The following WSB1 variants were observed in gnomAD, a reference collection of about 807,000 sequenced individuals.
WSB1 encodes the protein WD repeat and SOCS box containing 1.
A neutral mutation model predicts 50.2 loss-of-function variants in WSB1; 23 were observed. That is an observed-to-expected ratio of 0.46 (90% CI 0.33 to 0.65). The LOEUF (loss-of-function observed/expected upper bound fraction) is 0.65, where lower values mean the gene tolerates loss of function less well. Ranked by LOEUF, WSB1 falls within the 30% of genes least tolerant of loss-of-function variation. The pLI, the probability that WSB1 is intolerant of heterozygous loss-of-function variation, is 0.02. For missense variants in WSB1, 492 were observed against 522.3 expected (o/e 0.94, Z 0.56); for synonymous variants, 179 against 172.0 (o/e 1.04, Z -0.32).
intron 4 of WSB1, among the ~76,000 whole-genome samples, chr17:27,305,294 T>A (rs2017401788): frequency 6.6e-6 from 1 of 152,260 alleles, no homozygotes. Context: ...TTGAAGTAAC[T>A]TAGTATCTAA....
intron 1 of WSB1, 116 bp from the exon 2 acceptor site, chr17:27,301,672 A>G (rs987960613): frequency 1.9e-6 from 2 of 1,071,566 alleles, no homozygotes; most frequent in African/African-American, 1.6e-5. Flanking sequence ...TGCAGAACTC[A>G]CTATACCCTG....
chr17:27,296,451 G>A (rs1415576704), intron 1 of WSB1, among the ~76,000 whole-genome samples: 1 of 151,962 alleles, frequency 6.6e-6, no homozygotes, highest in Non-Finnish European at 1.5e-5. Flanking sequence ...CTATGAATAA[G>A]GATTTACTTT....
intron 1 of WSB1, among the ~76,000 whole-genome samples, chr17:27,297,883 A>C (rs1290117042): frequency 6.6e-6 from 1 of 151,914 alleles, no homozygotes; most frequent in Non-Finnish European, 1.5e-5. Context: ...CGAGGTGGGC[A>C]GATCACCTGA....
rs1412418410 is a variant in WSB1, at chr17:27,315,475, A to G, written c.*3106A>G. 6.6e-6 allele frequency: 1 copy of G among 152,230 alleles called. No homozygotes were observed. The allele number at this position is 152,230 out of a possible 1,614,324, so 9.4% of individuals were successfully genotyped here. A position where few individuals can be genotyped will look rare whatever the true frequency, so the allele number is the denominator to read the frequency against. On this transcript the variant is annotated 3_prime_UTR_variant, in exon 9 of 9. Transcript: ENST00000262394. ...TGTGACTGTGATGCAGTTGGATTCAACTGGTTTACACTGCTCTTGGGTCGG... is the reference window on the plus strand; with the variant it reads ...TGTGACTGTGATGCAGTTGGATTCAGCTGGTTTACACTGCTCTTGGGTCGG...
intron 4 of WSB1, 49 bp downstream of exon 4, chr17:27,304,960 C>A (rs1474938242): frequency 6.2e-7 from 1 of 1,606,470 alleles, no homozygotes; most frequent in African/African-American, 1.3e-5. Flanking sequence ...CTTGATACTA[C>A]TATGGAGAGG....
chr17:27,294,749 G>A (rs2016879999), intron 1 of WSB1, among the ~76,000 whole-genome samples: 1 of 152,304 alleles, frequency 6.6e-6, no homozygotes, highest in South Asian at 2.1e-4. Flanking sequence ...CATGACTGTC[G>A]AGTGGACAGG....
chr17:27,302,517 TG>T (rs2017278991), intron 2 of WSB1: 1 of 152,224 alleles, frequency 6.6e-6, no homozygotes, highest in Non-Finnish European at 1.5e-5. Flanking sequence ...TATATAGTGT[TG>T]TGCCAGAGTA....
intron 4 of WSB1, among the ~76,000 whole-genome samples, chr17:27,305,530 T>C (rs1276972001): frequency 6.6e-6 from 1 of 152,230 alleles, no homozygotes; most frequent in Non-Finnish European, 1.5e-5. Flanking sequence ...CCTTTCTCAG[T>C]CCCTAATGAA....
chr17:27,294,358 T>C lies in WSB1; in HGVS notation c.-38T>C. The C allele has an allele frequency of 3.1e-6, 5 of 1,611,984 alleles. No homozygotes were observed. In the South Asian group the frequency reaches 5.5e-5, roughly 18 times the overall value. Reference sequence around the variant, plus strand: ...CGCCACTCTCTTCTCTGTTGTTGGGTCCGCATCGTATTCCCGGAATCAGAC... The same window carrying C: ...CGCCACTCTCTTCTCTGTTGTTGGGCCCGCATCGTATTCCCGGAATCAGAC... On this transcript the variant is annotated 5_prime_UTR_variant, in exon 1 of 9. Transcript: ENST00000262394.
At position 27,294,425 on chromosome 17, in the gene WSB1, G is replaced by A; in HGVS notation, c.30G>A (p.Glu10=). The stretch of plus-strand genomic sequence containing the variant: ...CCAGCTTTCCCCCGAGGGTCAACGA[G>A]AAAGAGATCGGTGAGGATTGGGACC... The part of the protein sequence containing the change: MASFPPRVN[E]KEIVRLRTIG... Residue 10 remains glutamate (E), a synonymous_variant, in exon 1 of 9, where the codon GAG becomes GAA. Transcript: ENST00000262394. 6.2e-7 allele frequency: 1 copy of A among 1,613,788 alleles called. No individual in the cohort carries two copies. The highest frequency in any genetic ancestry group is 8.5e-7 in the Non-Finnish European group (1 of 1,179,804).
At position 27,313,604 on chromosome 17, in the gene WSB1, T is replaced by C. The variant is rs1354306090; in HGVS notation, c.*1235T>C. On this transcript the variant is annotated 3_prime_UTR_variant, in exon 9 of 9. Transcript: ENST00000262394. Reference sequence around the variant, plus strand: ...CAATTATATATTTTTGTTGAGTTTTTTAATTAAAGACTTGTAAAAAAAAAA... The same window carrying C: ...CAATTATATATTTTTGTTGAGTTTTCTAATTAAAGACTTGTAAAAAAAAAA... The C allele has an allele frequency of 6.6e-6, 1 of 150,514 alleles. No homozygotes were observed. Among genetic ancestry groups the C allele is most frequent in the Non-Finnish European group, 1.5e-5 (1 of 67,614 alleles). The allele number at this position is 150,514 out of a possible 1,614,324, so 9.3% of individuals were successfully genotyped here.
At chr17:27,298,126 GAAAAAAAAAA>G (rs35222722) in intron 1 of WSB1, among the ~76,000 whole-genome samples, 9 of 74,204 alleles carry the variant, frequency 1.2e-4, no homozygotes, top group Admixed American at 3.5e-4. Context: ...CTCCGTCTCA[GAAAAAAAAAA>G]AAAAAAAAAA....
chr17:27,296,612 A>AGATC (rs1156460397), intron 1 of WSB1, among the ~76,000 whole-genome samples: 1 of 152,230 alleles, frequency 6.6e-6, no homozygotes, highest in East Asian at 1.9e-4. Context: ...GCACTGCCAC[A>AGATC]GATCATCCCT....
intron 5 of WSB1, chr17:27,307,639 A>G (rs2017513685): frequency 8.7e-7 from 1 of 1,146,970 alleles, no homozygotes; most frequent in East Asian, 2.7e-5. Flanking sequence ...AAAGCAAGAT[A>G]CTCAGTTTAG....
rs948654009 is a variant in WSB1 at position 27,312,081 on chromosome 17, C to G, written c.1107-129C>G. On this transcript the variant is annotated intron_variant, in intron 8 of 8. Coordinates refer to ENST00000262394, the MANE Select transcript of WSB1 (RefSeq NM_015626.10). ...TGGAATACATCATTGGTTAGTTCTT[C>G]CTGGTTGGGTTTTAATGTGAAGTTT... The G allele has an allele frequency of 7.5e-6, 9 of 1,201,402 alleles. No individual in the cohort carries two copies. In the Admixed American group the frequency reaches 2.3e-4, roughly 31 times the overall value. 74.4% of individuals were successfully genotyped at this position (1,201,402 alleles called of 1,614,324 possible).
chr17:27,310,076 A>C lies in WSB1; in HGVS notation c.900A>C (p.Pro300=), dbSNP rs1375523532. ...ILMEFGHLFP[P]PTPIFAGGAN... Reference sequence around the variant, plus strand: ...TTGACCTCAGGCACCTGTTTCCCCCACCTACTCCAATATTTGCTGGAGGAG... The same window carrying C: ...TTGACCTCAGGCACCTGTTTCCCCCCCCTACTCCAATATTTGCTGGAGGAG... The change falls in exon 7 of 9, where the codon CCA becomes CCC. Residue 300 remains proline, a synonymous_variant. Coordinates refer to ENST00000262394, the MANE Select transcript of WSB1 (RefSeq NM_015626.10). The C allele has an allele frequency of 1.2e-6, 2 of 1,613,852 alleles. No individual in the cohort carries two copies. The highest frequency in any genetic ancestry group is 2.7e-5 in the African/African-American group (2 of 74,876).
intron 1 of WSB1, chr17:27,297,151 T>G (rs1469453096): frequency 6.6e-6 from 1 of 152,176 alleles, no homozygotes; most frequent in African/African-American, 2.4e-5. Context: ...TTAGTAATTG[T>G]TACCGCTCTT....
chr17:27,306,412 A>G (rs549819717), intron 4 of WSB1, among the ~76,000 whole-genome samples: 1 of 151,520 alleles, frequency 6.6e-6, no homozygotes, highest in African/African-American at 2.4e-5. Context: ...GATGGGTTTC[A>G]CCCTGTTGGC....
rs2017752793 is a variant in WSB1 at position 27,313,122 on chromosome 17, C to T, written c.*753C>T. 6.6e-6 allele frequency: 1 copy of T among 151,948 alleles called. No individual in the cohort carries two copies. The highest frequency in any genetic ancestry group is 2.1e-4 in the South Asian group (1 of 4,808). 9.4% of individuals were successfully genotyped at this position (151,948 alleles called of 1,614,324 possible). A position where few individuals can be genotyped will look rare whatever the true frequency, so the allele number is the denominator to read the frequency against. Reference sequence around the variant, plus strand: ...GTGTCAGACTGATCTGGAAGTGAAACACAGTTTATGTACAGGGAAAAGGAT... The same window carrying T: ...GTGTCAGACTGATCTGGAAGTGAAATACAGTTTATGTACAGGGAAAAGGAT... On this transcript the variant is annotated 3_prime_UTR_variant, in exon 9 of 9. Transcript: ENST00000262394.
Sources: gnomAD v4.1 joint callset for allele counts (sites outside exome capture counted in the v4.1 genomes callset) on GRCh38, gnomAD v4.1.1 for gene constraint, MANE v1.5 for transcripts, NCBI Gene and HGNC (gene_info 2026-07-23, HGNC 2026-07-21) for gene names.